Variants in SLC24A3 observed in about 807,000 individuals in gnomAD.
The protein encoded by SLC24A3 is sodium/potassium/calcium exchanger 3.
A neutral mutation model predicts 75.8 loss-of-function variants in SLC24A3; 28 were observed. The ratio of observed to expected loss-of-function variants is 0.37; its 90% CI spans 0.27 to 0.51. SLC24A3 has a LOEUF of 0.51. Among genes scored for constraint, SLC24A3 ranks in the 20% least tolerant of loss-of-function variants. The pLI is 0.94. For missense variants in SLC24A3, 663 were observed against 847.8 expected, an observed-to-expected ratio of 0.78 and a Z score of 2.71; for synonymous variants, 372 against 334.1, an observed-to-expected ratio of 1.11 and a Z score of -1.24.
chr20:19,216,906 G>T (rs1254476641), intron 1 of SLC24A3, among the ~76,000 whole-genome samples: 2 of 152,218 alleles, frequency 1.3e-5, no homozygotes, highest in Non-Finnish European at 2.9e-5. Context: ...TGGAAAGATT[G>T]CAAAGCTGGG....
rs555399780 is a variant in SLC24A3, at chr20:19,562,057, G to A, written c.349-17943G>A. The stretch of plus-strand genomic sequence containing the variant: ...CCTCAAGGAAATTTATTTCTCTCAT[G>A]CTTCAGCATGCCTTACCCCAGTGTG... On this transcript the variant is annotated intron_variant, in intron 3 of 16. Coordinates refer to ENST00000328041, the MANE Select transcript of SLC24A3 (RefSeq NM_020689.4). Among the ~76,000 whole-genome samples, 4 of 152,238 alleles carry A rather than the reference G, an allele frequency of 2.6e-5. No individual in the cohort carries two copies. In the East Asian group the frequency reaches 7.7e-4, roughly 29 times the overall value.
intron 3 of SLC24A3, among the ~76,000 whole-genome samples, chr20:19,533,195 A>G (rs549443050): frequency 6.6e-6 from 1 of 152,342 alleles, no homozygotes; most frequent in African/African-American, 2.4e-5. Flanking sequence ...AGCTAAAGTC[A>G]TGTGAATGCT....
At chr20:19,288,785 G>A (rs1983871311) in intron 2 of SLC24A3, among the ~76,000 whole-genome samples, 1 of 152,162 alleles carries the variant, frequency 6.6e-6, no homozygotes, top group African/African-American at 2.4e-5. Context: ...TCTAAGCCAG[G>A]GCTCAACAAA....
intron 3 of SLC24A3, among the ~76,000 whole-genome samples, chr20:19,536,971 G>A (rs916313953): frequency 6.6e-6 from 1 of 152,200 alleles, no homozygotes; most frequent in African/African-American, 2.4e-5. Context: ...CATGGGCAAT[G>A]ACTTCATGTA....
intron 12 of SLC24A3, among the ~76,000 whole-genome samples, chr20:19,687,258 A>C (rs1448966938): frequency 6.6e-6 from 1 of 152,058 alleles, no homozygotes; most frequent in Non-Finnish European, 1.5e-5. Flanking sequence ...CTGTTCCTAA[A>C]AGCCACAGAG....
intron 2 of SLC24A3, among the ~76,000 whole-genome samples, chr20:19,495,245 G>T (rs6112414): frequency 6.6e-6 from 1 of 152,072 alleles, no homozygotes; most frequent in South Asian, 2.1e-4. Context: ...GTTTCTGAGC[G>T]GGCACCAACA....
chr20:19,503,280 C>T (rs1393387347), intron 2 of SLC24A3, among the ~76,000 whole-genome samples: 1 of 152,146 alleles, frequency 6.6e-6, no homozygotes, highest in East Asian at 1.9e-4. Flanking sequence ...TGTGCCATCA[C>T]CAGAGCCCTG....
chr20:19,364,627 G>A (rs1483347060), intron 2 of SLC24A3, among the ~76,000 whole-genome samples: 2 of 152,158 alleles, frequency 1.3e-5, no homozygotes, highest in East Asian at 3.9e-4. Flanking sequence ...GTTAATTTCT[G>A]TATTTTTTGT....
rs536825093 is a variant in SLC24A3, at chr20:19,499,155, C to A, written c.272-16333C>A. ...AGACCACCTACCTGAGGCCGGTCAACGCCTAAAAATGTGAGACATAACAAT... is the reference window on the plus strand; with the variant it reads ...AGACCACCTACCTGAGGCCGGTCAAAGCCTAAAAATGTGAGACATAACAAT... On this transcript the variant is annotated intron_variant, in intron 2 of 16. Transcript: ENST00000328041. 4.9e-4 allele frequency among the ~76,000 whole-genome samples: 75 copies of A among 152,302 alleles called. No individual in the cohort carries two copies. In the South Asian group the frequency reaches 0.015, roughly 31 times the overall value.
Position 19,212,897 on chromosome 20 carries a change from C to A in SLC24A3, c.55C>A (p.Arg19=). The A allele has an allele frequency of 1.5e-6, 2 of 1,323,100 alleles. No individual in the cohort carries two copies. The highest frequency in any genetic ancestry group is 1.9e-6 in the Non-Finnish European group (2 of 1,031,910). The allele number at this position is 1,323,100 out of a possible 1,614,324, so 82.0% of individuals were successfully genotyped here. A position where few individuals can be genotyped will look rare whatever the true frequency, so the allele number is the denominator to read the frequency against. The change falls in exon 1 of 17, where the codon CGG becomes AGG. Residue 19 remains arginine, a synonymous_variant. Transcript: ENST00000328041. The part of the protein sequence containing the change: ...RARRRRRRRR[R]RDLLLSQLCF... The stretch of plus-strand genomic sequence containing the variant: ...GCGTCGCCGCCGCCGCCGCCGCCGC[C>A]GGAGGGACCTTCTGCTGAGCCAGCT...
At chr20:19,467,797 C>A (rs1189262828) in intron 2 of SLC24A3, among the ~76,000 whole-genome samples, 1 of 151,474 alleles carries the variant, frequency 6.6e-6, no homozygotes, top group Admixed American at 6.6e-5. Flanking sequence ...ACGAGAATAG[C>A]TTGAACCTGG....
chr20:19,628,202 C>CAAAAAAAAAAAAAAAA (rs776701707), intron 6 of SLC24A3, among the ~76,000 whole-genome samples: 4 of 51,812 alleles, frequency 7.7e-5, no homozygotes, highest in Non-Finnish European at 8.9e-5. Context: ...GACTCCATCT[C>CAAAAAAAAAAAAAAAA]AAAAAAAAAA....
Position 19,685,244 on chromosome 20 carries a change from G to A in SLC24A3, c.1207G>A (p.Val403Ile). 6.2e-7 allele frequency: 1 copy of A among 1,614,168 alleles called. No homozygotes were observed. Among genetic ancestry groups the A allele is most frequent in the South Asian group, 1.1e-5 (1 of 91,082 alleles). ...RGVNGTRRDDVVAEAGNETEN... is the reference protein window; with the variant it reads ...RGVNGTRRDDIVAEAGNETEN... ...CGTGAATGGGACACGGAGGGACGAT[G>A]TTGTGGCTGAGGCTGGCAACGAAAC... The change falls in exon 12 of 17, where the codon GTT becomes ATT. Residue 403 changes from valine (V) to isoleucine (I), a missense_variant. Transcript: ENST00000328041.
intron 2 of SLC24A3, among the ~76,000 whole-genome samples, chr20:19,432,020 CAG>C (rs1987112454): frequency 6.6e-6 from 1 of 152,036 alleles, no homozygotes; most frequent in African/African-American, 2.4e-5. Flanking sequence ...TTGAGTGACT[CAG>C]GGGGAAGATG....
intron 2 of SLC24A3, among the ~76,000 whole-genome samples, chr20:19,424,339 C>G (rs188047368): frequency 6.6e-6 from 1 of 152,294 alleles, no homozygotes; most frequent in Non-Finnish European, 1.5e-5. Flanking sequence ...TCTTCTCTTC[C>G]TCTCTGTATA....
intron 12 of SLC24A3, among the ~76,000 whole-genome samples, chr20:19,691,529 A>C (rs532095748): frequency 6.6e-6 from 1 of 151,768 alleles, no homozygotes; most frequent in Non-Finnish European, 1.5e-5. Context: ...GGTTTTTGAG[A>C]CTCTTTCCTC....
chr20:19,280,951 C>A lies in SLC24A3; in HGVS notation c.143-8C>A, dbSNP rs1187531657. ...AATGATGTGTGGTTATTGTCTTTGT[C>A]TCCCCAGAGCTTGACCTCATGGACC... On this transcript the variant is annotated splice_region_variant and splice_polypyrimidine_tract_variant and intron_variant, in intron 1 of 16. Transcript: ENST00000328041. 3.7e-6 allele frequency: 6 copies of A among 1,612,898 alleles called. No homozygotes were observed. The highest frequency in any genetic ancestry group is 3.3e-4 in the Middle Eastern group (2 of 6,052).
At chr20:19,690,394 T>C (rs577692340) in intron 12 of SLC24A3, among the ~76,000 whole-genome samples, 1 of 152,336 alleles carries the variant, frequency 6.6e-6, no homozygotes, top group African/African-American at 2.4e-5. Flanking sequence ...TTTTCCAAGC[T>C]CTTGCACTCG....
chr20:19,593,803 A>G (rs780779671), intron 6 of SLC24A3, among the ~76,000 whole-genome samples: 1 of 152,128 alleles, frequency 6.6e-6, no homozygotes, highest in Non-Finnish European at 1.5e-5. Context: ...TCACCATGCA[A>G]CCCACTTCAG....
Sources: allele counts gnomAD v4.1 joint callset (sites outside exome capture counted in the v4.1 genomes callset), GRCh38; gene constraint gnomAD v4.1.1; transcripts MANE v1.5; gene names NCBI Gene and HGNC (gene_info 2026-07-23, HGNC 2026-07-21).